The following DHX40 variants were observed in gnomAD, a reference collection of about 807,000 sequenced individuals.
DHX40 encodes the protein probable ATP-dependent RNA helicase DHX40.
A neutral mutation model predicts 89.6 loss-of-function variants in DHX40; 28 were observed. That is an observed-to-expected ratio of 0.31 (90% CI 0.23 to 0.43). The LOEUF (loss-of-function observed/expected upper bound fraction) is 0.43. Among genes scored for constraint, DHX40 ranks in the 20% least tolerant of loss-of-function variants. DHX40 has a pLI of 1.00. For missense variants in DHX40, 457 were observed against 844.0 expected, an observed-to-expected ratio of 0.54 and a Z score of 5.68; for synonymous variants, 226 against 283.6, an observed-to-expected ratio of 0.80 and a Z score of 2.04.
At chr17:59,588,242 C>CAAA (rs1198855530) in intron 12 of DHX40, among the ~76,000 whole-genome samples, 189 bp downstream of exon 12, 1 of 136,644 alleles carries the variant, frequency 7.3e-6, no homozygotes, top group African/African-American at 3.0e-5. Flanking sequence ...AAAAAAAAAA[C>CAAA]CAAAAACAAA....
intron 11 of DHX40, among the ~76,000 whole-genome samples, chr17:59,587,620 G>A (rs2049017980): frequency 6.6e-6 from 1 of 151,868 alleles, no homozygotes; most frequent in Admixed American, 6.6e-5. Flanking sequence ...ACCACACCCA[G>A]CTAATTTTTG....
At chr17:59,585,980 A>T (rs1598156403) in intron 10 of DHX40, among the ~76,000 whole-genome samples, 173 bp from the exon 11 acceptor site, 1 of 151,752 alleles carries the variant, frequency 6.6e-6, no homozygotes. Flanking sequence ...TCAGAAAAAA[A>T]TTATTTCCTC....
chr17:59,572,465 G>A (rs1440563927), intron 3 of DHX40, among the ~76,000 whole-genome samples: 3 of 152,078 alleles, frequency 2.0e-5, no homozygotes. Context: ...TGCAATCTCC[G>A]CCTCTCAGGC....
Position 59,566,596 on chromosome 17 carries a change from T to C in DHX40, c.113-31T>C, listed in dbSNP as rs751590720. ...TGAGTCAGAGATATCTTTACAAGTCTTTTAATTGACTTGTTTTTCTGTTAT... is the reference window on the plus strand; with the variant it reads ...TGAGTCAGAGATATCTTTACAAGTCCTTTAATTGACTTGTTTTTCTGTTAT... On this transcript the variant is annotated intron_variant, in intron 1 of 17. Coordinates refer to ENST00000251241, the MANE Select transcript of DHX40 (RefSeq NM_024612.5). The C allele has an allele frequency of 3.2e-6, 5 of 1,550,942 alleles. No individual in the cohort carries two copies. The East Asian group carries it at 1.2e-4, about 36-fold the overall frequency.
Position 59,570,200 on chromosome 17 carries a change from TATA to T in DHX40, c.281-314_281-312del, listed in dbSNP as rs1387351007. On this transcript the variant is annotated intron_variant, in intron 2 of 17. Transcript: ENST00000251241. ...TTAATATATATAATATATAATATAT[TATA>T]ATATATATTATATATTAAATATATA... Among the ~76,000 whole-genome samples, 8 of 116,772 alleles carry T rather than the reference TATA, an allele frequency of 6.9e-5. No individual in the cohort carries two copies. The East Asian group carries it at 8.2e-4, about 12-fold the overall frequency. 76.6% of individuals were successfully genotyped at this position (116,772 alleles called of 152,430 possible).
intron 15 of DHX40, chr17:59,604,329 A>G (rs1007899517): frequency 5.3e-5 from 8 of 152,186 alleles, no homozygotes; most frequent in Admixed American, 2.6e-4. Context: ...ATTGTTTCAC[A>G]CTTTTAAAAA....
chr17:59,575,944 C>T (rs2048876162), intron 7 of DHX40, among the ~76,000 whole-genome samples: 1 of 149,872 alleles, frequency 6.7e-6, no homozygotes, highest in Non-Finnish European at 1.5e-5. Flanking sequence ...GGCTGGAGTG[C>T]AGTGGCGCAA....
intron 2 of DHX40, among the ~76,000 whole-genome samples, chr17:59,567,886 C>T (rs1234884930): frequency 6.7e-6 from 1 of 149,458 alleles, no homozygotes; most frequent in Admixed American, 6.8e-5. Context: ...GAGCCGAGAT[C>T]GTGCCACTGT....
intron 2 of DHX40, among the ~76,000 whole-genome samples, chr17:59,570,100 ATAT>A (rs1380850562): frequency 2.0e-4 from 26 of 128,226 alleles, no homozygotes; most frequent in African/African-American, 7.5e-4. Context: ...TATATAGTAT[ATAT>A]TATAATATAT....
chr17:59,568,849 T>C (rs2048745374), intron 2 of DHX40, among the ~76,000 whole-genome samples: 2 of 149,634 alleles, frequency 1.3e-5, no homozygotes, highest in Non-Finnish European at 3.0e-5. Context: ...TATATATATA[T>C]ATATAAATAT....
At chr17:59,586,388 C>T (rs1486169818) in intron 11 of DHX40, among the ~76,000 whole-genome samples, 155 bp downstream of exon 11, 4 of 152,010 alleles carry the variant, frequency 2.6e-5, no homozygotes, top group South Asian at 2.1e-4. Flanking sequence ...ACCAGCCGGG[C>T]GCTGTGGCTC....
At chr17:59,587,300 T>G (rs2049013703) in intron 11 of DHX40, among the ~76,000 whole-genome samples, 1 of 151,594 alleles carries the variant, frequency 6.6e-6, no homozygotes, top group South Asian at 2.1e-4. Context: ...CTCACCTCAC[T>G]GCAATCTCCA....
Position 59,606,543 on chromosome 17 carries a change from G to A in DHX40, c.2201-490G>A, listed in dbSNP as rs545793271. 9.2e-5 allele frequency among the ~76,000 whole-genome samples: 14 copies of A among 152,132 alleles called. No homozygotes were observed. In the South Asian group the frequency reaches 2.9e-3, roughly 32 times the overall value. ...GGGCGGATCACGAGGTCAGGAGATCGAGACCATCCTGGCTAACACGGTGAA... is the reference window on the plus strand; with the variant it reads ...GGGCGGATCACGAGGTCAGGAGATCAAGACCATCCTGGCTAACACGGTGAA... On this transcript the variant is annotated intron_variant, in intron 17 of 17. Coordinates refer to ENST00000251241, the MANE Select transcript of DHX40 (RefSeq NM_024612.5).
chr17:59,605,990 A>G lies in DHX40; in HGVS notation c.2200+316A>G, dbSNP rs532779495. On this transcript the variant is annotated intron_variant, in intron 17 of 17. Transcript: ENST00000251241. ...TCTAAAAAAAAAAAAGTGATGATTT[A>G]TGCATTATTAACTCAGAATCCCCTT... Among the ~76,000 whole-genome samples, 23 of 151,646 alleles carry G rather than the reference A, an allele frequency of 1.5e-4. No individual in the cohort carries two copies. The South Asian group carries it at 4.6e-3, about 30-fold the overall frequency.
intron 12 of DHX40, among the ~76,000 whole-genome samples, chr17:59,588,880 C>T (rs1260392167): frequency 1.3e-5 from 2 of 152,106 alleles, no homozygotes; most frequent in African/African-American, 2.4e-5. Context: ...ATTTTCTCTT[C>T]TATTGTCTTT....
chr17:59,586,092 A>G (rs1242393064), intron 10 of DHX40, 61 bp from the exon 11 acceptor site: 22 of 1,243,266 alleles, frequency 1.8e-5, no homozygotes, highest in East Asian at 1.3e-4. Context: ...CGTCATGTCT[A>G]TATAAAATCC....
At chr17:59,589,860 A>G (rs1166758774) in intron 12 of DHX40, among the ~76,000 whole-genome samples, 2 of 148,158 alleles carry the variant, frequency 1.3e-5, no homozygotes, top group East Asian at 4.0e-4. Flanking sequence ...AGCTGGGATT[A>G]CAGGCATGGG....
In DHX40 at chr17:59,605,175, T is replaced by G. The variant is rs750008945; in HGVS notation, c.1962T>G (p.Pro654=). 6.2e-7 allele frequency: 1 copy of G among 1,614,062 alleles called. No homozygotes were observed. The highest frequency in any genetic ancestry group is 8.5e-7 in the Non-Finnish European group (1 of 1,179,954). ...GTGGAAGCCCAGTTCACATTCATCC[T>G]TCCTCAGCAGTAAGTACTTCATTTT... ...DGRGSPVHIH[P]SSALHEQETK... The change falls in exon 16 of 18, where the codon CCT becomes CCG. Residue 654 remains proline, a synonymous_variant. Coordinates refer to ENST00000251241, the MANE Select transcript of DHX40 (RefSeq NM_024612.5).
In DHX40 at chr17:59,570,583, C is replaced by A. The variant is rs1329025886; in HGVS notation, c.346C>A (p.Gln116Lys). The A allele has an allele frequency of 6.2e-7, 1 of 1,609,664 alleles. No homozygotes were observed. The highest frequency in any genetic ancestry group is 8.5e-7 in the Non-Finnish European group (1 of 1,178,134). The change falls in exon 3 of 18, where the codon CAG (glutamine) becomes AAG (lysine). Residue 116 changes from glutamine (Q) to lysine (K), a missense_variant. Physicochemically the swap from Gln to Lys is moderately conservative, Grantham distance 53 (BLOSUM62 1). Transcript: ENST00000251241. The stretch of plus-strand genomic sequence containing the variant: ...AAAAGTAGCTGCTATATCAGTTGCT[C>A]AGAGAGTAGCTGAAGAAATGAAATG... The part of the protein sequence containing the change: ...PRKVAAISVA[Q>K]RVAEEMKCTL...
Sources: gnomAD v4.1 joint callset for allele counts (sites outside exome capture counted in the v4.1 genomes callset) on GRCh38, gnomAD v4.1.1 for gene constraint, MANE v1.5 for transcripts, NCBI Gene and HGNC (gene_info 2026-07-23, HGNC 2026-07-21) for gene names.